Variants in DISP1 observed in about 807,000 individuals in gnomAD.
The protein encoded by DISP1 is dispatched RND transporter family member 1, also known as protein dispatched homolog 1.
A neutral mutation model predicts 37.3 loss-of-function variants in DISP1; 30 were observed. That is an observed-to-expected ratio of 0.80 (90% CI 0.60 to 1.09). DISP1 has a LOEUF of 1.09. DISP1 is among the 50% of genes least tolerant of loss of function. DISP1 has a pLI of 0.00. For synonymous variants in DISP1, 634 were observed against 690.2 expected (o/e 0.92, Z 1.28); for missense variants, 1,598 against 1,879.5 (o/e 0.85, Z 2.77).
At chr1:222,991,031 C>T (rs951015917) in intron 5 of DISP1, among the ~76,000 whole-genome samples, 3 of 152,138 alleles carry the variant, frequency 2.0e-5, no homozygotes, top group African/African-American at 7.2e-5. Context: ...AAATTATTCT[C>T]ATAAAGTCTT....
At chr1:222,870,872 A>G (rs959474450) in intron 1 of DISP1, among the ~76,000 whole-genome samples, 6 of 152,292 alleles carry the variant, frequency 3.9e-5, no homozygotes, top group South Asian at 2.1e-4. Flanking sequence ...GCCCATGCCT[A>G]TGTCCTGAAT....
intron 2 of DISP1, among the ~76,000 whole-genome samples, chr1:222,931,491 G>A (rs564660224): frequency 6.6e-6 from 1 of 151,910 alleles, no homozygotes; most frequent in South Asian, 2.1e-4. Flanking sequence ...GATTTTAGTT[G>A]AGACAAAATA....
chr1:222,970,610 A>T (rs1465682642), intron 3 of DISP1, among the ~76,000 whole-genome samples: 1 of 152,144 alleles, frequency 6.6e-6, no homozygotes, highest in Non-Finnish European at 1.5e-5. Context: ...GGAAAATACA[A>T]TAGAATTTCA....
At chr1:222,869,083 T>C in intron 1 of DISP1, among the ~76,000 whole-genome samples, 1 of 152,132 alleles carries the variant, frequency 6.6e-6, no homozygotes, top group East Asian at 1.9e-4. Context: ...CAATTTTTAT[T>C]TAAAAGAGGA....
rs140528228 is a variant in DISP1 at position 222,994,119 on chromosome 1, C to T, written c.890-766C>T. Among the ~76,000 whole-genome samples the T allele has an allele frequency of 2.8e-3, 428 of 152,204 alleles. 2 individuals are homozygous for T. Among genetic ancestry groups the T allele is most frequent in the African/African-American group, 1.0e-2 (414 of 41,512 alleles). ...AATATTGTTGGGCATCTATTATTAT[C>T]TCATTTAATTCTCACAGCTATTTGA... On this transcript the variant is annotated intron_variant, in intron 7 of 8. Transcript: ENST00000675850.
rs1312604700 is a variant in DISP1 at position 223,002,365 on chromosome 1, G to T, written c.988-20G>T. The T allele has an allele frequency of 2.5e-6, 4 of 1,609,056 alleles. No homozygotes were observed. The highest frequency in any genetic ancestry group is 2.6e-6 in the Non-Finnish European group (3 of 1,176,002). The stretch of plus-strand genomic sequence containing the variant: ...AACCAATTTAAACTGTAGTCCTTCT[G>T]CTTGTCTCTATCTCTGCAGATCAGA... On this transcript the variant is annotated intron_variant, in intron 8 of 8. Transcript: ENST00000675850.
chr1:222,856,696 A>T (rs1245674736), intron 1 of DISP1, among the ~76,000 whole-genome samples: 1 of 148,382 alleles, frequency 6.7e-6, no homozygotes, highest in African/African-American at 2.5e-5. Context: ...TTTTATGTTT[A>T]TTATAATTCG....
chr1:222,873,897 T>A (rs1669770684), intron 1 of DISP1, among the ~76,000 whole-genome samples: 1 of 152,218 alleles, frequency 6.6e-6, no homozygotes, highest in East Asian at 1.9e-4. Flanking sequence ...GGCATGTTTT[T>A]GCAGTGGCTG....
In DISP1 at chr1:223,003,443, C is replaced by T. The variant is rs1358267993; in HGVS notation, c.2046C>T (p.Ser682=). The change falls in exon 9 of 9, where the codon AGC becomes AGT. Residue 682 remains serine (S), a synonymous_variant. Transcript: ENST00000675850. The surrounding 1 kb of genome is among the most constrained non-coding windows in gnomAD (Gnocchi z 4.3). The part of the protein sequence containing the change: ...KPQQQIYDNK[S]CWTVACQKCH... ...AGCAGCAAATATATGATAACAAAAG[C>T]TGCTGGACAGTGGCTTGCCAGAAGT... is the stretch of plus-strand genomic sequence containing the variant. 1.2e-6 allele frequency: 2 copies of T among 1,614,130 alleles called. No homozygotes were observed. The highest frequency in any genetic ancestry group is 1.7e-6 in the Non-Finnish European group (2 of 1,180,042).
chr1:222,999,442 A>G (rs372511297), intron 8 of DISP1, among the ~76,000 whole-genome samples: 22 of 152,182 alleles, frequency 1.4e-4, no homozygotes, highest in African/African-American at 4.8e-4. Flanking sequence ...GCCCCATAAT[A>G]TAATACATGC....
intron 3 of DISP1, among the ~76,000 whole-genome samples, chr1:222,955,194 C>G (rs1675509638): frequency 6.6e-6 from 1 of 151,524 alleles, no homozygotes; most frequent in South Asian, 2.1e-4. Context: ...TCATGTGATT[C>G]TCCTGCCTCA....
At chr1:222,825,657 C>T (rs1664184571) in intron 1 of DISP1, among the ~76,000 whole-genome samples, 1 of 151,954 alleles carries the variant, frequency 6.6e-6, no homozygotes, top group African/African-American at 2.4e-5. Context: ...CCCACCACCA[C>T]ACCTGGCTAA....
chr1:222,899,674 G>C (rs1429300294), intron 1 of DISP1: 1 of 152,202 alleles, frequency 6.6e-6, no homozygotes, highest in African/African-American at 2.4e-5. Context: ...AAATTCCTGG[G>C]CTCAAGGGAT....
At chr1:222,937,355 G>T (rs1041531785) in intron 2 of DISP1, among the ~76,000 whole-genome samples, 8 of 151,934 alleles carry the variant, frequency 5.3e-5, no homozygotes, top group African/African-American at 1.5e-4. Context: ...CTCCCAAAGT[G>T]CTGGGATTAC....
At chr1:222,839,292 T>C (rs1017418273) in intron 1 of DISP1, among the ~76,000 whole-genome samples, 2 of 152,202 alleles carry the variant, frequency 1.3e-5, no homozygotes, top group Non-Finnish European at 1.5e-5. Flanking sequence ...ATGCTTCTTA[T>C]GAGAATCTAA....
intron 3 of DISP1, among the ~76,000 whole-genome samples, chr1:222,955,186 A>T (rs1210419587): frequency 6.6e-6 from 1 of 151,276 alleles, no homozygotes; most frequent in African/African-American, 2.4e-5. Flanking sequence ...TCCTGAGTTC[A>T]TGTGATTCTC....
rs1163271120 is a variant in DISP1 at position 222,991,629 on chromosome 1, C to T, written c.773C>T (p.Ala258Val). The T allele has an allele frequency of 3.7e-6, 6 of 1,612,960 alleles. No homozygotes were observed. In the African/African-American group the frequency reaches 6.7e-5, roughly 18 times the overall value. Residue 258 changes from alanine (A) to valine (V), a missense_variant, in exon 6 of 9, where the codon GCA (alanine) becomes GTA (valine). Transcript: ENST00000675850. ...ATLANYPFKYADEQAKSHRDD... is the reference protein window; with the variant it reads ...ATLANYPFKYVDEQAKSHRDD... ...TTAGCAAATTATCCCTTTAAATATG[C>T]AGATGAACAAGCCAAAAGGTAATCA...
At chr1:223,001,330 A>G (rs1200079422) in intron 8 of DISP1, among the ~76,000 whole-genome samples, 1 of 152,246 alleles carries the variant, frequency 6.6e-6, no homozygotes, top group Non-Finnish European at 1.5e-5. Context: ...TGGAAGAAAT[A>G]ATTAAATTCT....
intron 1 of DISP1, among the ~76,000 whole-genome samples, chr1:222,820,172 A>G (rs1018393363): frequency 1.3e-5 from 2 of 152,066 alleles, no homozygotes; most frequent in African/African-American, 4.8e-5. Flanking sequence ...AAGGAGGGTG[A>G]TTTTGAGTGT....
Sources: gnomAD v4.1 joint callset for allele counts (sites outside exome capture counted in the v4.1 genomes callset) on GRCh38, gnomAD v4.1.1 for gene constraint, Gnocchi (gnomAD v3.1) non-coding constraint, MANE v1.5 for transcripts, NCBI Gene and HGNC (gene_info 2026-07-23, HGNC 2026-07-21) for gene names.